TWNK: variants seen among roughly 807,000 people sequenced by gnomAD.
The protein encoded by TWNK is T7 gp4-like protein with intramitochondrial nucleoid localization.
A neutral mutation model predicts 58.2 loss-of-function variants in TWNK; 36 were observed. That is an observed-to-expected ratio of 0.62 (90% CI 0.47 to 0.82). The LOEUF is 0.82. TWNK is among the 40% of genes least tolerant of loss of function. The pLI, the probability that TWNK is intolerant of heterozygous loss-of-function variation, is 0.00. For synonymous variants in TWNK, 349 were observed against 348.5 expected, an observed-to-expected ratio of 1.00 and a Z score of -0.02; for missense variants, 714 against 881.0, an observed-to-expected ratio of 0.81 and a Z score of 2.40.
In TWNK at chr10:100,993,546, T is replaced by C; in HGVS notation, c.*36T>C. The C allele has an allele frequency of 2.5e-6, 4 of 1,607,078 alleles. No homozygotes were observed. The highest frequency in any genetic ancestry group is 2.2e-5 in the South Asian group (2 of 90,810). On this transcript the variant is annotated 3_prime_UTR_variant, in exon 5 of 5. Coordinates refer to ENST00000311916, the MANE Select transcript of TWNK (RefSeq NM_021830.5). Reference sequence around the variant, plus strand: ...GAGCTGGTCACTGAAATGAGCCTGATAGGATAGGCTGGAGCATAAAACTCT... The same window carrying C: ...GAGCTGGTCACTGAAATGAGCCTGACAGGATAGGCTGGAGCATAAAACTCT...
At position 100,987,546 on chromosome 10, in the gene TWNK, T is replaced by G. The variant is rs1851598031; in HGVS notation, c.-665T>G. 2.0e-6 allele frequency: 3 copies of G among 1,485,404 alleles called. No homozygotes were observed. Among genetic ancestry groups the G allele is most frequent in the Non-Finnish European group, 2.7e-6 (3 of 1,116,132 alleles). 92.0% of individuals were successfully genotyped at this position (1,485,404 alleles called of 1,614,324 possible). A position where few individuals can be genotyped will look rare whatever the true frequency, so the allele number is the denominator to read the frequency against. On this transcript the variant is annotated 5_prime_UTR_variant, in exon 1 of 5. Transcript: ENST00000311916. ...GGACGACCGCTCCCGGAGTTTTGCT[T>G]CCGAGGTCAAGGCGAGTAGCATGTG... is the stretch of plus-strand genomic sequence containing the variant.
intron 3 of TWNK, 58 bp downstream of exon 3, chr10:100,990,601 TTC>T: frequency 6.2e-7 from 1 of 1,612,644 alleles, no homozygotes; most frequent in Non-Finnish European, 8.5e-7. Context: ...CAACACACAC[TTC>T]TCAGGCAGCT....
At position 100,989,968 on chromosome 10, in the gene TWNK, T is replaced by C. The variant is rs2133940203; in HGVS notation, c.1484+84T>C. The C allele has an allele frequency of 6.5e-7, 1 of 1,547,012 alleles. No individual in the cohort carries two copies. The highest frequency in any genetic ancestry group is 8.9e-7 in the Non-Finnish European group (1 of 1,120,298). The stretch of plus-strand genomic sequence containing the variant: ...CCTTTGGTTCCTTTTCCAGCTCCAG[T>C]AGGAACTCCCCCATCTCCTTAGGTT... On this transcript the variant is annotated intron_variant, in intron 2 of 4. Coordinates refer to ENST00000311916, the MANE Select transcript of TWNK (RefSeq NM_021830.5). The surrounding 1 kb of genome is among the most constrained non-coding windows in gnomAD (Gnocchi z 7.6).
rs774214514 is a variant in TWNK at position 100,987,619 on chromosome 10, C to T, written c.-592C>T. ...AAGTGGGAGAGAGAAAAGTGGTAAC[C>T]TGGGGCTGGGGGCCGGCGCGGCGGA... On this transcript the variant is annotated 5_prime_UTR_variant, in exon 1 of 5. Transcript: ENST00000311916. The T allele has an allele frequency of 3.2e-4, 292 of 924,046 alleles. No homozygotes were observed. The highest frequency in any genetic ancestry group is 4.2e-4 in the Non-Finnish European group (265 of 633,288). The allele number at this position is 924,046 out of a possible 1,614,324, so 57.2% of individuals were successfully genotyped here. A position where few individuals can be genotyped will look rare whatever the true frequency, so the allele number is the denominator to read the frequency against.
At chr10:100,994,403 C>CT (rs1187929706), downstream of TWNK, 3 of 152,178 alleles carry the variant, frequency 2.0e-5, no homozygotes, top group Admixed American at 6.5e-5. Context: ...TTTCCATTGC[C>CT]TTTGTTTCTG....
At chr10:100,992,021 A>AAT (rs1164271334) in intron 4 of TWNK, among the ~76,000 whole-genome samples, 4 of 145,122 alleles carry the variant, frequency 2.8e-5, no homozygotes, top group African/African-American at 5.0e-5. Context: ...CGTCTCAAAA[A>AAT]ATATATATAT....
Position 100,988,905 on chromosome 10 carries a change from G to A in TWNK, c.695G>A (p.Ser232Asn), listed in dbSNP as rs779886341. The change falls in exon 1 of 5, where the codon AGC becomes AAC. Residue 232 changes from serine to asparagine, a missense_variant. Physicochemically the swap from Ser to Asn is conservative, Grantham distance 46. Around this residue, in one of 3 missense-constraint regions of TWNK, gnomAD observed 348 missense variants for 388.4 expected, o/e 0.90. Transcript: ENST00000311916. The surrounding 1 kb of genome is among the most constrained non-coding windows in gnomAD (Gnocchi z 5.2). The stretch of plus-strand genomic sequence containing the variant: ...GCTAAATGCCAGGGGGATGGAGTGA[G>A]CTACGAGGAAACCACTATTCCCCGA... ...LEAKCQGDGV[S>N]YEETTIPRPS... 2 of 1,614,184 alleles carry A rather than the reference G, an allele frequency of 1.2e-6. No homozygotes were observed. The highest frequency in any genetic ancestry group is 1.7e-6 in the Non-Finnish European group (2 of 1,180,030).
At position 100,988,387 on chromosome 10, in the gene TWNK, A is replaced by T; in HGVS notation, c.177A>T (p.Glu59Asp). The change falls in exon 1 of 5, where the codon GAA (glutamate) becomes GAT (aspartate). Residue 59 changes from glutamate to aspartate, a missense_variant. Physicochemically the swap from Glu to Asp is conservative, Grantham distance 45 (BLOSUM62 2). This residue lies in a region of TWNK where 348 missense variants were observed against 388.4 expected (regional missense o/e 0.90). Transcript: ENST00000311916. This position sits in a 1 kb window ranked among gnomAD's most constrained non-coding sequence, Gnocchi z 5.2. ...CAGTGTTGCCTGTAACTGCAACTGAAATCCGCCAGTATTTGCGGGGGCATG... is the reference window on the plus strand; with the variant it reads ...CAGTGTTGCCTGTAACTGCAACTGATATCCGCCAGTATTTGCGGGGGCATG... ...DMPVLPVTAT[E>D]IRQYLRGHGI... 6.2e-7 allele frequency: 1 copy of T among 1,614,256 alleles called. No homozygotes were observed. The highest frequency in any genetic ancestry group is 1.1e-5 in the South Asian group (1 of 91,088).
At position 100,989,481 on chromosome 10, in the gene TWNK, A is replaced by G; in HGVS notation, c.1243+28A>G. Reference sequence around the variant, plus strand: ...AACCCTTTGAGAAATCACTACTTAGAGTAAAGGGGCAGAAGATCAGGTGAC... The same window carrying G: ...AACCCTTTGAGAAATCACTACTTAGGGTAAAGGGGCAGAAGATCAGGTGAC... On this transcript the variant is annotated intron_variant, in intron 1 of 4. Coordinates refer to ENST00000311916, the MANE Select transcript of TWNK (RefSeq NM_021830.5). This position sits in a 1 kb window ranked among gnomAD's most constrained non-coding sequence, Gnocchi z 7.6. The G allele has an allele frequency of 1.2e-6, 2 of 1,612,510 alleles. No individual in the cohort carries two copies. Among genetic ancestry groups the G allele is most frequent in the South Asian group, 2.2e-5 (2 of 91,052 alleles).
chr10:100,991,072 C>G, intron 4 of TWNK, 62 bp downstream of exon 4: 1 of 1,609,756 alleles, frequency 6.2e-7, no homozygotes, highest in Non-Finnish European at 8.5e-7. Flanking sequence ...TGACCAGGGA[C>G]AGCCCTCATT....
intron 4 of TWNK, among the ~76,000 whole-genome samples, chr10:100,992,442 C>G (rs1015996075): frequency 4.0e-5 from 6 of 149,490 alleles, no homozygotes; most frequent in African/African-American, 1.5e-4. Flanking sequence ...GTCTCAATCT[C>G]CTGACCTCAT....
Position 100,989,062 on chromosome 10 carries a change from C to T in TWNK, c.852C>T (p.Pro284=), listed in dbSNP as rs1297898106. ...CGGGGCTGCCTACCCTTACTCTACC[C>T]CGAGGAACGACCTGCTTACCCCCTG... is the stretch of plus-strand genomic sequence containing the variant. ...QSTGLPTLTL[P]RGTTCLPPAL... The change falls in exon 1 of 5, where the codon CCC becomes CCT. Residue 284 remains proline, a synonymous_variant. Transcript: ENST00000311916. This position sits in a 1 kb window ranked among gnomAD's most constrained non-coding sequence, Gnocchi z 7.6. 5 of 1,614,058 alleles carry T rather than the reference C, an allele frequency of 3.1e-6. No homozygotes were observed. Among genetic ancestry groups the T allele is most frequent in the Non-Finnish European group, 4.2e-6 (5 of 1,179,960 alleles).
At chr10:100,991,703 C>G (rs1394540947) in intron 4 of TWNK, among the ~76,000 whole-genome samples, 2 of 151,920 alleles carry the variant, frequency 1.3e-5, no homozygotes, top group Non-Finnish European at 2.9e-5. Flanking sequence ...GTAGTGAGAC[C>G]CTGTCTCTAC....
rs761569674 is a variant in TWNK, at chr10:100,993,481, C to G, written c.2026C>G (p.Gln676Glu). Reference protein sequence around the residue: ...ICSGQAPTPDQPDTSKRSK With the variant: ...ICSGQAPTPDEPDTSKRSK ...CTCAGGCCAGGCCCCCACTCCCGAC[C>G]AGCCAGACACCTCCAAGCGTTCAAA... Residue 676 changes from glutamine (Q) to glutamate (E), a missense_variant, in exon 5 of 5, where the codon CAG becomes GAG. Physicochemically the swap from Gln to Glu is conservative, Grantham distance 29. Transcript: ENST00000311916. The G allele has an allele frequency of 7.4e-6, 12 of 1,614,072 alleles. No individual in the cohort carries two copies. The highest frequency in any genetic ancestry group is 6.7e-5 in the East Asian group (3 of 44,900).
Position 100,990,455 on chromosome 10 carries a change from C to A in TWNK, c.1504C>A (p.Gln502Lys). The change falls in exon 3 of 5, where the codon CAA (glutamine) becomes AAA (lysine). Residue 502 changes from glutamine (Q) to lysine (K), a missense_variant. By Grantham distance (53) the Gln-to-Lys change is moderately conservative (BLOSUM62 1). Transcript: ENST00000311916. ...TCCCAGGACTGTAATAGATACAATG[C>A]AACATGCAGTCTACGTCTATGACAT... ...QSIRTVIDTM[Q>K]HAVYVYDICH... The A allele has an allele frequency of 6.2e-7, 1 of 1,613,906 alleles. No individual in the cohort carries two copies. Among genetic ancestry groups the A allele is most frequent in the Non-Finnish European group, 8.5e-7 (1 of 1,179,774 alleles).
In TWNK at chr10:100,988,771, TGACAC is replaced by T. The variant is rs1304907160; in HGVS notation, c.562_566del (p.Asp188ThrfsTer36). 1 of 1,614,194 alleles carries T rather than the reference TGACAC, an allele frequency of 6.2e-7. No homozygotes were observed. On this transcript the variant is annotated frameshift_variant, in exon 1 of 5. Transcript: ENST00000311916. LOFTEE classifies it high-confidence loss of function. This position sits in a 1 kb window ranked among gnomAD's most constrained non-coding sequence, Gnocchi z 5.2. ...TGTTTGGCCTTACCAAGGTTACAGA[TGACAC>T]ACTCAAGCGTTTCAGTGTGCGATAT...
intron 4 of TWNK, 52 bp from the exon 5 acceptor site, chr10:100,993,138 T>G: frequency 1.3e-6 from 2 of 1,589,936 alleles, no homozygotes; most frequent in Admixed American, 1.7e-5. Flanking sequence ...CCTTTCTGCT[T>G]TGCTCATGTC....
chr10:100,993,723 A>AT lies in TWNK; in HGVS notation c.*214dup. Reference sequence around the variant, plus strand: ...TCAGGCTTTGTTTGAGGTCCTGTATATACAGCACTGAAAAGAGAGATAAAG... The same window carrying AT: ...TCAGGCTTTGTTTGAGGTCCTGTATATTACAGCACTGAAAAGAGAGATAAAG... On this transcript the variant is annotated 3_prime_UTR_variant, in exon 5 of 5. Transcript: ENST00000311916. 1 of 600,736 alleles carries AT rather than the reference A, an allele frequency of 1.7e-6. No homozygotes were observed. The highest frequency in any genetic ancestry group is 2.9e-6 in the Non-Finnish European group (1 of 339,600). 37.2% of individuals were successfully genotyped at this position (600,736 alleles called of 1,614,324 possible).
rs1432727745 is a variant in TWNK at position 100,990,916 on chromosome 10, C to T, written c.1640C>T (p.Thr547Ile). Residue 547 changes from threonine (T) to isoleucine (I), a missense_variant, in exon 4 of 5, where the codon ACA becomes ATA. Physicochemically the swap from Thr to Ile is moderately conservative, Grantham distance 89 (BLOSUM62 -1). Around this residue, in one of 3 missense-constraint regions of TWNK, gnomAD observed 302 missense variants for 438.6 expected, o/e 0.69. Coordinates refer to ENST00000311916, the MANE Select transcript of TWNK (RefSeq NM_021830.5). Reference sequence around the variant, plus strand: ...ATCGGGGTCTTTCGGAAGTTTGCAACAGACAATAACTGCCATGTGACACTG... The same window carrying T: ...ATCGGGGTCTTTCGGAAGTTTGCAATAGACAATAACTGCCATGTGACACTG... ...YIIGVFRKFA[T>I]DNNCHVTLVI... The T allele has an allele frequency of 6.2e-7, 1 of 1,614,226 alleles. No individual in the cohort carries two copies. Among genetic ancestry groups the T allele is most frequent in the South Asian group, 1.1e-5 (1 of 91,088 alleles).
Sources: gnomAD v4.1 joint callset for allele counts (sites outside exome capture counted in the v4.1 genomes callset) on GRCh38, gnomAD v4.1.1 for gene constraint, gnomAD v4.1.1 regional missense constraint, Gnocchi (gnomAD v3.1) non-coding constraint, MANE v1.5 for transcripts, NCBI Gene and HGNC (gene_info 2026-07-23, HGNC 2026-07-21) for gene names.